MAP4K4: variants seen among roughly 807,000 people sequenced by gnomAD.
The protein encoded by MAP4K4 is mitogen-activated protein kinase kinase kinase kinase 4.
A neutral mutation model predicts 189.6 loss-of-function variants in MAP4K4; 38 were observed. The observed-to-expected ratio is 0.20, with a 90% confidence interval of 0.15 to 0.26. MAP4K4 has a LOEUF of 0.26. MAP4K4 is among the 10% of genes least tolerant of loss of function. The pLI is 1.00. For synonymous variants in MAP4K4, 610 were observed against 624.3 expected (o/e 0.98, Z 0.34); for missense variants, 1,054 against 1,726.9 (o/e 0.61, Z 6.91).
chr2:101,859,622 GT>G lies in MAP4K4; in HGVS notation c.1483-19del. 1 of 1,564,090 alleles carries G rather than the reference GT, an allele frequency of 6.4e-7. No homozygotes were observed. The highest frequency in any genetic ancestry group is 8.7e-7 in the Non-Finnish European group (1 of 1,147,188). On this transcript the variant is annotated intron_variant, in intron 14 of 32. Transcript: ENST00000324219. The stretch of plus-strand genomic sequence containing the variant: ...CTCTCCAGTGTCCCATAGATTTAGT[GT>G]TATCCTCTCCCTCTCCAAGGAGTGC...
At chr2:101,840,073 C>G in intron 10 of MAP4K4, 79 bp downstream of exon 10, 5 of 1,388,516 alleles carry the variant, frequency 3.6e-6, no homozygotes, top group Admixed American at 2.4e-5. Flanking sequence ...TCCCTCCCTT[C>G]CCAGCTGTGA....
At chr2:101,762,000 A>T (rs1014001593) in intron 2 of MAP4K4, among the ~76,000 whole-genome samples, 1 of 150,642 alleles carries the variant, frequency 6.6e-6, no homozygotes, top group African/African-American at 2.4e-5. Context: ...GTGGACTGAG[A>T]TAGGTCTGTA....
At chr2:101,786,576 A>T (rs2091324564) in intron 2 of MAP4K4, among the ~76,000 whole-genome samples, 1 of 152,230 alleles carries the variant, frequency 6.6e-6, no homozygotes, top group Non-Finnish European at 1.5e-5. Flanking sequence ...ATGTCTGCTA[A>T]CCCTTAAAAG....
rs1171112845 is a variant in MAP4K4, at chr2:101,731,480, TG to T, written c.123+32947del. Among the ~76,000 whole-genome samples the T allele has an allele frequency of 8.6e-5, 13 of 151,712 alleles. No homozygotes were observed. The East Asian group carries it at 2.4e-3, about 28-fold the overall frequency. On this transcript the variant is annotated intron_variant, in intron 2 of 32. Transcript: ENST00000324219. ...AATGATCTTAAAAAATGAAATGGGC[TG>T]GGGGTGGTGGCTCACGCCTGTAATC...
intron 2 of MAP4K4, among the ~76,000 whole-genome samples, chr2:101,777,782 T>G (rs1421680557): frequency 6.6e-6 from 1 of 152,196 alleles, no homozygotes; most frequent in African/African-American, 2.4e-5. Flanking sequence ...TTGTTCACTG[T>G]TGTATCCCTA....
At chr2:101,842,962 A>G (rs561616912) in intron 11 of MAP4K4, among the ~76,000 whole-genome samples, 14 of 152,236 alleles carry the variant, frequency 9.2e-5, no homozygotes, top group African/African-American at 3.4e-4. Context: ...CCCAGCATTT[A>G]TTGTTCCAGA....
At chr2:101,823,381 C>T (rs557651885) in intron 3 of MAP4K4, among the ~76,000 whole-genome samples, 23 of 152,292 alleles carry the variant, frequency 1.5e-4, no homozygotes, top group African/African-American at 3.1e-4. Context: ...AGTGGATTCT[C>T]GCTGAGCACA....
chr2:101,879,724 C>G (rs1386055361), intron 27 of MAP4K4, among the ~76,000 whole-genome samples: 2 of 152,148 alleles, frequency 1.3e-5, no homozygotes, highest in Admixed American at 1.3e-4. Context: ...GGGACTGCCC[C>G]CAGAGGCAAG....
chr2:101,799,774 A>T (rs2094188351), intron 3 of MAP4K4, among the ~76,000 whole-genome samples: 2 of 151,860 alleles, frequency 1.3e-5, no homozygotes, highest in South Asian at 2.1e-4. Context: ...GCTAATTTTT[A>T]AAATTTTTCG....
At chr2:101,740,716 C>T (rs1182505943) in intron 2 of MAP4K4, among the ~76,000 whole-genome samples, 1 of 152,062 alleles carries the variant, frequency 6.6e-6, no homozygotes, top group African/African-American at 2.4e-5. Flanking sequence ...GTTTAGTTGT[C>T]TCAGTTTGCA....
chr2:101,775,094 G>A (rs557993750), intron 2 of MAP4K4, among the ~76,000 whole-genome samples: 1 of 131,928 alleles, frequency 7.6e-6, no homozygotes, highest in African/African-American at 2.9e-5. Context: ...CGTGGATTTT[G>A]TAGCAGTATT....
chr2:101,841,667 C>T (rs1206564258), intron 10 of MAP4K4, among the ~76,000 whole-genome samples: 1 of 152,058 alleles, frequency 6.6e-6, no homozygotes, highest in Non-Finnish European at 1.5e-5. Flanking sequence ...CAGGCTTTCA[C>T]CATGTTGGTC....
intron 12 of MAP4K4, among the ~76,000 whole-genome samples, chr2:101,849,201 C>T (rs887804376): frequency 1.3e-5 from 2 of 152,188 alleles, no homozygotes; most frequent in African/African-American, 2.4e-5. Flanking sequence ...CAGCTCACTG[C>T]ACCCTCTGCC....
At chr2:101,828,859 C>T (rs1417765335) in intron 5 of MAP4K4, among the ~76,000 whole-genome samples, 1 of 152,198 alleles carries the variant, frequency 6.6e-6, no homozygotes, top group African/African-American at 2.4e-5. Flanking sequence ...CACCACCTCT[C>T]GTAAGAGACA....
intron 27 of MAP4K4, among the ~76,000 whole-genome samples, chr2:101,880,544 T>G (rs2098356163): frequency 6.6e-6 from 1 of 151,938 alleles, no homozygotes; most frequent in Admixed American, 6.6e-5. Flanking sequence ...AGTCTCAATC[T>G]GTCATCCAGG....
chr2:101,739,375 G>A (rs2061682059), intron 2 of MAP4K4, among the ~76,000 whole-genome samples: 1 of 150,140 alleles, frequency 6.7e-6, no homozygotes, highest in Admixed American at 6.7e-5. Context: ...ATGGATAGGA[G>A]TCCTAAAGTC....
chr2:101,743,289 G>A (rs2063666915), intron 2 of MAP4K4, among the ~76,000 whole-genome samples: 1 of 152,014 alleles, frequency 6.6e-6, no homozygotes, highest in Non-Finnish European at 1.5e-5. Flanking sequence ...GGCTTTTTTG[G>A]GGGGTTTACA....
At chr2:101,709,867 C>T (rs185141328) in intron 2 of MAP4K4, among the ~76,000 whole-genome samples, 9 of 152,130 alleles carry the variant, frequency 5.9e-5, no homozygotes, top group Admixed American at 2.6e-4. Flanking sequence ...ATATTTTATT[C>T]TTAAGTTTTT....
intron 3 of MAP4K4, among the ~76,000 whole-genome samples, chr2:101,808,975 G>A (rs2095233412): frequency 6.6e-6 from 1 of 152,094 alleles, no homozygotes; most frequent in Admixed American, 6.5e-5. Context: ...TATTTCTTAT[G>A]GCTGCCAGTC....
Sources: allele counts gnomAD v4.1 joint callset (sites outside exome capture counted in the v4.1 genomes callset), GRCh38; gene constraint gnomAD v4.1.1; transcripts MANE v1.5; gene names NCBI Gene and HGNC (gene_info 2026-07-23, HGNC 2026-07-21).